The following OSBPL8 variants were observed in gnomAD, a reference collection of about 807,000 sequenced individuals.
OSBPL8 encodes oxysterol binding protein like 8, also known as oxysterol-binding protein-related protein 8.
OSBPL8 carries 59 observed loss-of-function variants against 125.5 expected under a neutral mutation model. The ratio of observed to expected loss-of-function variants is 0.47; its 90% CI spans 0.38 to 0.58. The LOEUF (loss-of-function observed/expected upper bound fraction) is 0.58. OSBPL8 is among the 20% of genes least tolerant of loss of function. The probability of loss-of-function intolerance (pLI) is 0.00; values close to 1 mark genes in which losing one functional copy is unlikely to be tolerated. For missense variants in OSBPL8, 758 were observed against 1,047.8 expected, an observed-to-expected ratio of 0.72 and a Z score of 3.82; for synonymous variants, 330 against 338.9, an observed-to-expected ratio of 0.97 and a Z score of 0.29.
chr12:76,401,156 C>A (rs1916730), intron 6 of OSBPL8, among the ~76,000 whole-genome samples: 1 of 151,894 alleles, frequency 6.6e-6, no homozygotes, highest in African/African-American at 2.4e-5. Context: ...AAAGCTAGAA[C>A]CCATTTTTAT....
At chr12:76,405,069 C>T (rs1239475399) in intron 5 of OSBPL8, among the ~76,000 whole-genome samples, 1 of 152,112 alleles carries the variant, frequency 6.6e-6, no homozygotes, top group Non-Finnish European at 1.5e-5. Flanking sequence ...CTCTAATTCC[C>T]AGCTTCATGT....
At chr12:76,519,365 A>G (rs1761905702) in intron 1 of OSBPL8, among the ~76,000 whole-genome samples, 1 of 152,116 alleles carries the variant, frequency 6.6e-6, no homozygotes, top group South Asian at 2.1e-4. Context: ...GCTAGCCTTC[A>G]CTGTCCATAT....
At chr12:76,388,885 T>C (rs1953436998) in intron 12 of OSBPL8, among the ~76,000 whole-genome samples, 1 of 152,290 alleles carries the variant, frequency 6.6e-6, no homozygotes, top group African/African-American at 2.4e-5. Context: ...ATGCCATTTA[T>C]AGACAAAAAC....
intron 2 of OSBPL8, among the ~76,000 whole-genome samples, chr12:76,482,481 C>T (rs937030729): frequency 1.3e-5 from 2 of 152,124 alleles, no homozygotes; most frequent in South Asian, 2.1e-4. Flanking sequence ...GGCGTGGTGG[C>T]GCATGCCTGT....
Position 76,558,491 on chromosome 12 carries a change from C to T in OSBPL8, c.-68+906G>A, listed in dbSNP as rs567923107. On this transcript the variant is annotated intron_variant, in intron 1 of 23. Coordinates refer to ENST00000261183, the MANE Select transcript of OSBPL8 (RefSeq NM_020841.5). Reference sequence around the variant, plus strand: ...CCATGCAGGAGACACTGTATTACTACTCAGACGTCATTTAAGTCTTCTAGC... The same window carrying T: ...CCATGCAGGAGACACTGTATTACTATTCAGACGTCATTTAAGTCTTCTAGC... Among the ~76,000 whole-genome samples, 22 of 152,312 alleles carry T rather than the reference C, an allele frequency of 1.4e-4. No individual in the cohort carries two copies. In the East Asian group the frequency reaches 2.9e-3, roughly 20 times the overall value.
intron 2 of OSBPL8, among the ~76,000 whole-genome samples, chr12:76,463,875 G>C (rs1288603443): frequency 6.6e-6 from 1 of 152,132 alleles, no homozygotes; most frequent in African/African-American, 2.4e-5. Flanking sequence ...TCTGCACATG[G>C]CTAAACTGCA....
intron 1 of OSBPL8, among the ~76,000 whole-genome samples, chr12:76,550,820 G>T (rs1464774866): frequency 6.6e-6 from 1 of 152,150 alleles, no homozygotes; most frequent in Non-Finnish European, 1.5e-5. Flanking sequence ...CAACATTAAG[G>T]CTGGGTACCA....
intron 4 of OSBPL8, chr12:76,422,490 T>C (rs1315616533): frequency 6.6e-6 from 3 of 455,238 alleles, no homozygotes; most frequent in Non-Finnish European, 1.3e-5. Context: ...AAATTAGGAA[T>C]GCAAGATTAA....
chr12:76,392,882 T>C, intron 9 of OSBPL8, 130 bp from the exon 10 acceptor site: 2 of 870,692 alleles, frequency 2.3e-6, no homozygotes, highest in Non-Finnish European at 3.3e-6. Flanking sequence ...ACATAACATC[T>C]TGCTAGAATT....
At chr12:76,438,648 T>C (rs530881338) in intron 4 of OSBPL8, among the ~76,000 whole-genome samples, 1 of 152,356 alleles carries the variant, frequency 6.6e-6, no homozygotes, top group South Asian at 2.1e-4. Context: ...TTAGGAAAGA[T>C]CAAGTCTATT....
rs569465233 is a variant in OSBPL8 at position 76,508,802 on chromosome 12, G to A, written c.-67-21184C>T. ...GCAACATCAGCAAGTTACCCTATAT[G>A]GTCCAAAAAGGGAGGAACTCTCAGT... On this transcript the variant is annotated intron_variant, in intron 1 of 23. Coordinates refer to ENST00000261183, the MANE Select transcript of OSBPL8 (RefSeq NM_020841.5). 2.0e-5 allele frequency among the ~76,000 whole-genome samples: 3 copies of A among 152,198 alleles called. No homozygotes were observed. The South Asian group carries it at 6.2e-4, about 32-fold the overall frequency.
At chr12:76,500,225 C>G (rs1247701137) in intron 1 of OSBPL8, among the ~76,000 whole-genome samples, 1 of 152,234 alleles carries the variant, frequency 6.6e-6, no homozygotes, top group Non-Finnish European at 1.5e-5. Flanking sequence ...CTTGCTTTCT[C>G]TGACCCTTTG....
chr12:76,457,490 G>A (rs942322139), intron 3 of OSBPL8, among the ~76,000 whole-genome samples: 1 of 152,002 alleles, frequency 6.6e-6, no homozygotes, highest in African/African-American at 2.4e-5. Flanking sequence ...TCATCTGTGA[G>A]TTTTAAATTG....
At chr12:76,479,356 T>A (rs546100000) in intron 2 of OSBPL8, among the ~76,000 whole-genome samples, 5 of 152,292 alleles carry the variant, frequency 3.3e-5, no homozygotes, top group African/African-American at 7.2e-5. Context: ...AAAATTTTTT[T>A]AAAAATTAAA....
At chr12:76,525,492 G>C (rs1035348943) in intron 1 of OSBPL8, among the ~76,000 whole-genome samples, 6 of 152,042 alleles carry the variant, frequency 3.9e-5, no homozygotes, top group African/African-American at 1.4e-4. Context: ...TTTGAGGGAA[G>C]AGCAATATTC....
chr12:76,550,013 G>A (rs1441873057), intron 1 of OSBPL8, among the ~76,000 whole-genome samples: 1 of 150,482 alleles, frequency 6.6e-6, no homozygotes, highest in African/African-American at 2.4e-5. Flanking sequence ...ACCTAGAAGA[G>A]TCCAAATGGA....
chr12:76,542,886 C>A (rs1205530738), intron 1 of OSBPL8, among the ~76,000 whole-genome samples: 1 of 152,210 alleles, frequency 6.6e-6, no homozygotes, highest in African/African-American at 2.4e-5. Flanking sequence ...ACTCCAGTCA[C>A]AGTGAACTCT....
chr12:76,465,474 G>A (rs977962636), intron 2 of OSBPL8, among the ~76,000 whole-genome samples: 2 of 151,900 alleles, frequency 1.3e-5, no homozygotes, highest in African/African-American at 4.8e-5. Context: ...GCAGGAGAAT[G>A]GCATGAACCC....
intron 4 of OSBPL8, among the ~76,000 whole-genome samples, chr12:76,418,133 G>A (rs761490094): frequency 6.7e-6 from 1 of 148,442 alleles, no homozygotes; most frequent in Admixed American, 7.0e-5. Context: ...AGCCTCCCGA[G>A]TAGCTGGGAT....
Sources: allele counts gnomAD v4.1 joint callset (sites outside exome capture counted in the v4.1 genomes callset), GRCh38; gene constraint gnomAD v4.1.1; transcripts MANE v1.5; gene names NCBI Gene and HGNC (gene_info 2026-07-23, HGNC 2026-07-21).